Variants in IFT74 observed in about 807,000 individuals in gnomAD.
IFT74 encodes the protein intraflagellar transport protein 74 homolog.
A neutral mutation model predicts 96.7 loss-of-function variants in IFT74; 92 were observed. The ratio of observed to expected loss-of-function variants is 0.95; its 90% CI spans 0.80 to 1.13. The LOEUF is 1.13. Among genes scored for constraint, IFT74 ranks in the 50% most tolerant of loss-of-function variants. The probability of loss-of-function intolerance (pLI) is 0.00; values close to 1 mark genes in which losing one functional copy is unlikely to be tolerated. For synonymous variants in IFT74, 223 were observed against 213.2 expected (o/e 1.05, Z -0.40); for missense variants, 811 against 698.2 (o/e 1.16, Z -1.82).
At chr9:26,948,448 A>ATTATTATTATTATTTTTTT (rs1825819541) in intron 1 of IFT74, among the ~76,000 whole-genome samples, 1 of 59,162 alleles carries the variant, frequency 1.7e-5, no homozygotes, top group African/African-American at 5.4e-5. Context: ...GCTTTCCATT[A>ATTATTATTATTATTTTTTT]TTTTTTTTTT....
intron 8 of IFT74, among the ~76,000 whole-genome samples, chr9:27,001,625 A>G (rs1225399334): frequency 6.6e-6 from 1 of 152,032 alleles, no homozygotes. Flanking sequence ...ATATCTATTC[A>G]GTTCTTTTGC....
intron 13 of IFT74, among the ~76,000 whole-genome samples, chr9:27,042,598 T>G (rs143060529): frequency 6.6e-6 from 1 of 152,078 alleles, no homozygotes; most frequent in African/African-American, 2.4e-5. Context: ...AAAAGCAAGA[T>G]GAGAAACTGG....
intron 8 of IFT74, among the ~76,000 whole-genome samples, chr9:27,007,929 C>G (rs914597533): frequency 6.6e-6 from 1 of 152,102 alleles, no homozygotes; most frequent in African/African-American, 2.4e-5. Flanking sequence ...CAGAGTTTTT[C>G]TCTACCCTAT....
At chr9:27,044,945 C>T in intron 14 of IFT74, 150 bp downstream of exon 14, 1 of 539,716 alleles carries the variant, frequency 1.9e-6, no homozygotes, top group Non-Finnish European at 3.3e-6. Flanking sequence ...AGAATAGTTT[C>T]TAGCATAATT....
intron 2 of IFT74, among the ~76,000 whole-genome samples, chr9:26,963,725 T>C (rs1826475972): frequency 6.6e-6 from 1 of 152,214 alleles, no homozygotes; most frequent in Non-Finnish European, 1.5e-5. Flanking sequence ...ATGAGCATTG[T>C]TTCATGTGTT....
At chr9:27,009,258 A>G (rs1828936867) in intron 9 of IFT74, 100 bp downstream of exon 9, 2 of 986,632 alleles carry the variant, frequency 2.0e-6, no homozygotes, top group South Asian at 4.0e-5. Flanking sequence ...GAACTTGACT[A>G]TACTTTGAGA....
intron 2 of IFT74, among the ~76,000 whole-genome samples, chr9:26,962,465 G>A (rs1312571639): frequency 6.6e-6 from 1 of 152,054 alleles, no homozygotes; most frequent in African/African-American, 2.4e-5. Context: ...TAGTGTATTG[G>A]GGCCAGAATA....
chr9:27,056,447 G>A lies in IFT74; in HGVS notation c.1611G>A (p.Glu537=). The part of the protein sequence containing the change: ...EALKTQLQEN[E]THSQLTNLER... ...TAAAAACACAATTGCAAGAAAATGA[G>A]ACACATTCTCAGGTAAAAAATGTTT... Residue 537 remains glutamate (E), a synonymous_variant, in exon 18 of 20, where the codon GAG becomes GAA. Transcript: ENST00000380062. 1 of 1,594,172 alleles carries A rather than the reference G, an allele frequency of 6.3e-7. No individual in the cohort carries two copies. The highest frequency in any genetic ancestry group is 8.5e-7 in the Non-Finnish European group (1 of 1,172,368).
chr9:27,052,003 G>T (rs181470028), intron 16 of IFT74, among the ~76,000 whole-genome samples: 1 of 151,906 alleles, frequency 6.6e-6, no homozygotes, highest in Admixed American at 6.6e-5. Flanking sequence ...CCTCTGTTTC[G>T]TATTTTAGAC....
intron 14 of IFT74, among the ~76,000 whole-genome samples, chr9:27,045,075 C>T (rs1027360156): frequency 3.9e-5 from 6 of 152,148 alleles, no homozygotes; most frequent in Admixed American, 2.6e-4. Flanking sequence ...ACCAGGGGTC[C>T]CCAATCCCCA....
At chr9:26,955,581 C>A (rs1441753062), upstream of IFT74, among the ~76,000 whole-genome samples, 1 of 152,008 alleles carries the variant, frequency 6.6e-6, no homozygotes, top group Non-Finnish European at 1.5e-5. Context: ...ATAGGGTGAG[C>A]TCAAATGAGA....
chr9:26,978,239 A>C lies in IFT74; in HGVS notation c.232A>C (p.Thr78Pro). 9 of 1,613,366 alleles carry C rather than the reference A, an allele frequency of 5.6e-6. No individual in the cohort carries two copies. In the South Asian group the frequency reaches 9.9e-5, roughly 18 times the overall value. Residue 78 changes from threonine to proline, a missense_variant, in exon 3 of 20, where the codon ACT (threonine) becomes CCT (proline). Physicochemically the swap from Thr to Pro is conservative, Grantham distance 38. Transcript: ENST00000380062. ...TCGCCCTGTAACACAACAAGGTTTG[A>C]CTGGAATGAAAACTGGGACGAAAGG... ...AHRPVTQQGL[T>P]GMKTGTKGPQ...
chr9:27,026,774 AACAATAATAATG>A (rs1172729873), intron 12 of IFT74, among the ~76,000 whole-genome samples: 1 of 152,204 alleles, frequency 6.6e-6, no homozygotes, highest in Admixed American at 6.5e-5. Context: ...CTTTGAACTG[AACAATAATAATG>A]ACACAACCTA....
At chr9:26,989,838 A>G (rs1181537536) in intron 7 of IFT74, among the ~76,000 whole-genome samples, 2 of 152,156 alleles carry the variant, frequency 1.3e-5, no homozygotes, top group African/African-American at 4.8e-5. Flanking sequence ...TGAACACTCA[A>G]TATATTCTTT....
chr9:26,956,762 G>C (rs944006821), intron 1 of IFT74, among the ~76,000 whole-genome samples: 2 of 152,250 alleles, frequency 1.3e-5, no homozygotes, highest in African/African-American at 2.4e-5. Context: ...AGAGCAGAGG[G>C]AAGGACCGCG....
At chr9:27,033,298 C>A (rs947844490) in intron 13 of IFT74, among the ~76,000 whole-genome samples, 1 of 151,672 alleles carries the variant, frequency 6.6e-6, no homozygotes. Context: ...TGGCTCATGC[C>A]TATAATCCTA....
At chr9:26,963,141 A>C (rs1266282144) in intron 2 of IFT74, among the ~76,000 whole-genome samples, 1 of 151,750 alleles carries the variant, frequency 6.6e-6, no homozygotes, top group Non-Finnish European at 1.5e-5. Context: ...CCAGAGTGTG[A>C]TATTCCCCTT....
chr9:27,034,010 A>G (rs773291698), intron 13 of IFT74, among the ~76,000 whole-genome samples: 2 of 152,184 alleles, frequency 1.3e-5, no homozygotes, highest in Non-Finnish European at 2.9e-5. Context: ...CGCGATCCAC[A>G]AGATGGGGCT....
At chr9:26,947,146 G>A (rs1825760748) in exon 1 of IFT74, 4 of 1,330,812 alleles carry the variant, frequency 3.0e-6, no homozygotes, top group Admixed American at 3.4e-5. Context: ...AGAGCCTGCA[G>A]GTAAGGGGCG....
Sources: gnomAD v4.1 joint callset for allele counts (sites outside exome capture counted in the v4.1 genomes callset) on GRCh38, gnomAD v4.1.1 for gene constraint, MANE v1.5 for transcripts, NCBI Gene and HGNC (gene_info 2026-07-23, HGNC 2026-07-21) for gene names.